The following AKAP13 variants were observed in gnomAD, a reference collection of about 807,000 sequenced individuals.
AKAP13 encodes the protein A-kinase anchoring protein 13, also known as A-kinase anchor protein 13.
In AKAP13, 80 loss-of-function variants were observed where a neutral mutation model predicts 264.5. The observed-to-expected ratio is 0.30, with a 90% CI of 0.25 to 0.36. AKAP13 has a LOEUF of 0.36. AKAP13 is among the 10% of genes least tolerant of loss of function. AKAP13 has a pLI of 1.00. For missense variants in AKAP13, 3,712 were observed against 3,435.2 expected, an observed-to-expected ratio of 1.08 and a Z score of -2.01; for synonymous variants, 1,380 against 1,250.2, an observed-to-expected ratio of 1.10 and a Z score of -2.19.
intron 8 of AKAP13, among the ~76,000 whole-genome samples, chr15:85,615,543 T>C (rs2080899038): frequency 6.6e-6 from 1 of 152,258 alleles, no homozygotes; most frequent in South Asian, 2.1e-4. Context: ...AAGTGGAGGC[T>C]AAATGTTTTA....
intron 12 of AKAP13, chr15:85,662,387 G>A (rs146891785): frequency 3.3e-4 from 536 of 1,614,090 alleles, no homozygotes; most frequent in African/African-American, 1.9e-3. Flanking sequence ...GTCATCCCCA[G>A]TATGAGCTGG....
At chr15:85,654,272 G>A (rs1481758951) in intron 10 of AKAP13, among the ~76,000 whole-genome samples, 4 of 152,064 alleles carry the variant, frequency 2.6e-5, no homozygotes, top group Non-Finnish European at 5.9e-5. Flanking sequence ...CTTTAGGTGG[G>A]GTCATAAGCT....
At chr15:85,460,441 C>G (rs1045235924) in intron 1 of AKAP13, among the ~76,000 whole-genome samples, 1 of 152,220 alleles carries the variant, frequency 6.6e-6, no homozygotes, top group Non-Finnish European at 1.5e-5. Context: ...CTGTCACCCC[C>G]AGCCTGGACA....
chr15:85,572,208 C>T (rs915064408), intron 5 of AKAP13, among the ~76,000 whole-genome samples: 1 of 152,168 alleles, frequency 6.6e-6, no homozygotes. Context: ...ATATTTGGGT[C>T]ATGCTCAGTG....
At chr15:85,539,284 G>T (rs1441105494) in intron 4 of AKAP13, among the ~76,000 whole-genome samples, 3 of 152,056 alleles carry the variant, frequency 2.0e-5, no homozygotes, top group African/African-American at 7.2e-5. Flanking sequence ...AAAAGGTTTT[G>T]TTGCCTCTGA....
At chr15:85,437,172 T>C (rs1485889541) in intron 1 of AKAP13, among the ~76,000 whole-genome samples, 1 of 146,830 alleles carries the variant, frequency 6.8e-6, no homozygotes, top group African/African-American at 2.5e-5. Context: ...CAAACTACCA[T>C]CAGAGAATAC....
intron 5 of AKAP13, among the ~76,000 whole-genome samples, chr15:85,544,670 A>G (rs2077676227): frequency 6.6e-6 from 1 of 152,250 alleles, no homozygotes; most frequent in South Asian, 2.1e-4. Flanking sequence ...TAGAGCAGCC[A>G]AAAGTTTTTA....
intron 7 of AKAP13, chr15:85,583,190 A>G: frequency 1.0e-6 from 1 of 984,746 alleles, no homozygotes; most frequent in Non-Finnish European, 1.2e-6. Context: ...TTTTGTCTTT[A>G]TTGTTTATTT....
chr15:85,537,379 C>A (rs879518733), intron 4 of AKAP13, among the ~76,000 whole-genome samples: 2 of 152,230 alleles, frequency 1.3e-5, no homozygotes, highest in African/African-American at 4.8e-5. Context: ...CTGTTGAAAG[C>A]TAGGATGTTT....
rs1230625054 is a variant in AKAP13 at position 85,483,643 on chromosome 15, A to AC, written c.-11-2067_-11-2066insC. ...GCGAGACTCCGTCTCAAAAAAAAAAAAAAAAAAACACCAAAAAATCAGCTG... is the reference window on the plus strand; with the variant it reads ...GCGAGACTCCGTCTCAAAAAAAAAAACAAAAAAAACACCAAAAAATCAGCTG... On this transcript the variant is annotated intron_variant, in intron 1 of 36. Coordinates refer to ENST00000394518, the MANE Select transcript of AKAP13 (RefSeq NM_007200.5). Among the ~76,000 whole-genome samples, 812 of 148,586 alleles carry AC rather than the reference A, an allele frequency of 5.5e-3. 15 individuals are homozygous for AC. Among genetic ancestry groups the AC allele is most frequent in the African/African-American group, 0.019 (751 of 39,948 alleles).
intron 1 of AKAP13, among the ~76,000 whole-genome samples, chr15:85,422,440 G>T (rs1026158871): frequency 7.2e-5 from 11 of 152,188 alleles, no homozygotes; most frequent in Non-Finnish European, 1.2e-4. Flanking sequence ...TGTTGGGGAA[G>T]TACTCTGTTC....
chr15:85,735,543 C>A lies in AKAP13; in HGVS notation c.7442-17C>A, dbSNP rs1031735912. ...TTCACAACTTTAAAAAAAAAAACAACCCTATTTTTTGTTTAGGAGGCGAGA... is the reference window on the plus strand; with the variant it reads ...TTCACAACTTTAAAAAAAAAAACAAACCTATTTTTTGTTTAGGAGGCGAGA... On this transcript the variant is annotated splice_polypyrimidine_tract_variant and intron_variant, in intron 31 of 36. Coordinates refer to ENST00000394518, the MANE Select transcript of AKAP13 (RefSeq NM_007200.5). 1.9e-6 allele frequency: 3 copies of A among 1,596,912 alleles called. No homozygotes were observed. Among genetic ancestry groups the A allele is most frequent in the East Asian group, 4.5e-5 (2 of 44,690 alleles).
chr15:85,482,400 A>G (rs760177335), intron 1 of AKAP13, among the ~76,000 whole-genome samples: 5 of 152,196 alleles, frequency 3.3e-5, no homozygotes, highest in Non-Finnish European at 7.3e-5. Context: ...CCCTAGAATA[A>G]TATCTATGAA....
chr15:85,450,746 A>G (rs912958634), intron 1 of AKAP13, among the ~76,000 whole-genome samples: 1 of 151,946 alleles, frequency 6.6e-6, no homozygotes, highest in Non-Finnish European at 1.5e-5. Flanking sequence ...GGTTTCTTTT[A>G]CTTTTGTGAG....
intron 30 of AKAP13, among the ~76,000 whole-genome samples, chr15:85,732,091 A>C (rs1267097638): frequency 4.6e-5 from 7 of 152,052 alleles, no homozygotes; most frequent in African/African-American, 1.7e-4. Flanking sequence ...AAAAAAAAAA[A>C]AAAAAAACGT....
chr15:85,511,724 T>C (rs1269687412), intron 2 of AKAP13, among the ~76,000 whole-genome samples: 2 of 152,174 alleles, frequency 1.3e-5, no homozygotes, highest in Non-Finnish European at 2.9e-5. Context: ...ATCTCCTGGC[T>C]CAAGAGATCC....
intron 3 of AKAP13, among the ~76,000 whole-genome samples, chr15:85,529,759 A>G (rs1428481083): frequency 6.6e-6 from 1 of 152,184 alleles, no homozygotes; most frequent in Non-Finnish European, 1.5e-5. Context: ...TTTATTCTTG[A>G]TCAGTAGTAA....
intron 8 of AKAP13, chr15:85,624,527 A>G (rs763883400): frequency 6.6e-6 from 1 of 152,242 alleles, no homozygotes; most frequent in African/African-American, 2.4e-5. Context: ...TGGATTGAAG[A>G]CAACCACATA....
intron 16 of AKAP13, among the ~76,000 whole-genome samples, chr15:85,687,167 C>G (rs1474615060): frequency 6.6e-6 from 1 of 152,138 alleles, no homozygotes. Flanking sequence ...CTCAGCCTAG[C>G]CTCCTTATTT....
Sources: allele counts gnomAD v4.1 joint callset (sites outside exome capture counted in the v4.1 genomes callset), GRCh38; gene constraint gnomAD v4.1.1; transcripts MANE v1.5; gene names NCBI Gene and HGNC (gene_info 2026-07-23, HGNC 2026-07-21).